The following KALRN variants were observed in gnomAD, a reference collection of about 807,000 sequenced individuals.
KALRN encodes the protein kalirin.
A neutral mutation model predicts 353.7 loss-of-function variants in KALRN; 70 were observed. The ratio of observed to expected loss-of-function variants is 0.20; its 90% CI spans 0.16 to 0.24. The LOEUF is 0.24. Among genes scored for constraint, KALRN ranks in the 10% least tolerant of loss-of-function variants. KALRN has a pLI of 1.00. For missense variants in KALRN, 2,791 were observed against 3,756.7 expected (o/e 0.74, Z 6.72); for synonymous variants, 1,391 against 1,434.8 (o/e 0.97, Z 0.69).
chr3:124,096,392 A>G (rs535668487), intron 1 of KALRN, among the ~76,000 whole-genome samples: 1 of 152,324 alleles, frequency 6.6e-6, no homozygotes, highest in East Asian at 1.9e-4. Context: ...TCCAACAAAC[A>G]TCCTGGGAAA....
intron 34 of KALRN, among the ~76,000 whole-genome samples, chr3:124,586,989 A>G (rs1561349792): frequency 6.6e-6 from 1 of 152,196 alleles, no homozygotes; most frequent in Non-Finnish European, 1.5e-5. Context: ...ATTTGAAAAC[A>G]GATTGAAAAG....
chr3:124,465,771 C>T (rs2060274275), intron 25 of KALRN, among the ~76,000 whole-genome samples: 1 of 152,086 alleles, frequency 6.6e-6, no homozygotes, highest in East Asian at 1.9e-4. Flanking sequence ...ATTTCTAGTG[C>T]ATAGCTCAGG....
chr3:124,691,257 C>T (rs961241036), intron 51 of KALRN, among the ~76,000 whole-genome samples: 2 of 152,058 alleles, frequency 1.3e-5, no homozygotes, highest in Admixed American at 6.6e-5. Flanking sequence ...GGCGAGACCC[C>T]GTCTCTACTA....
At chr3:124,345,477 C>T (rs1006499339) in intron 9 of KALRN, among the ~76,000 whole-genome samples, 4 of 152,114 alleles carry the variant, frequency 2.6e-5, no homozygotes, top group African/African-American at 4.8e-5. Flanking sequence ...AAGAGATGAA[C>T]ATGTAAAGTT....
At chr3:124,667,532 G>A (rs534981581) in intron 47 of KALRN, among the ~76,000 whole-genome samples, 3 of 152,196 alleles carry the variant, frequency 2.0e-5, no homozygotes, top group Non-Finnish European at 4.4e-5. Flanking sequence ...GAAATGATAT[G>A]TGTTTTTCCA....
intron 3 of KALRN, among the ~76,000 whole-genome samples, chr3:124,251,370 T>TTC (rs1553874706): frequency 8.0e-6 from 1 of 125,780 alleles, no homozygotes; most frequent in Non-Finnish European, 1.8e-5. Context: ...TTTTTTTTTT[T>TTC]CTTTTTTTCT....
intron 21 of KALRN, among the ~76,000 whole-genome samples, chr3:124,448,422 G>T (rs1163744332): frequency 6.6e-6 from 1 of 152,044 alleles, no homozygotes; most frequent in African/African-American, 2.4e-5. Context: ...CAACTCTACA[G>T]CTGTGCTACC....
At chr3:124,231,738 CA>C (rs1160530408) in intron 2 of KALRN, among the ~76,000 whole-genome samples, 24 of 151,910 alleles carry the variant, frequency 1.6e-4, no homozygotes, top group African/African-American at 5.8e-4. Context: ...TGGCATTTTC[CA>C]AACTAAAGAA....
intron 37 of KALRN, among the ~76,000 whole-genome samples, chr3:124,649,027 C>T (rs2083081495): frequency 6.6e-6 from 1 of 152,134 alleles, no homozygotes; most frequent in Non-Finnish European, 1.5e-5. Flanking sequence ...AAGAAATTCT[C>T]TCTTGAGTTT....
chr3:124,373,766 C>G (rs1030745950), intron 10 of KALRN, among the ~76,000 whole-genome samples: 1 of 152,162 alleles, frequency 6.6e-6, no homozygotes. Context: ...TCGGTATGAT[C>G]TCATCTTAAC....
At chr3:124,264,761 C>T in intron 4 of KALRN, 71 bp downstream of exon 4, 1 of 1,317,258 alleles carries the variant, frequency 7.6e-7, no homozygotes, top group East Asian at 2.3e-5. Flanking sequence ...TTCTCACGTC[C>T]TCTTCTCTAT....
intron 11 of KALRN, among the ~76,000 whole-genome samples, chr3:124,392,314 A>G (rs1369444388): frequency 6.6e-6 from 1 of 152,186 alleles, no homozygotes; most frequent in Non-Finnish European, 1.5e-5. Flanking sequence ...TGTAGCACTG[A>G]TAAGTATTGA....
chr3:124,227,919 G>A, intron 1 of KALRN, 71 bp from the exon 2 acceptor site: 1 of 1,219,858 alleles, frequency 8.2e-7, no homozygotes, highest in Non-Finnish European at 1.2e-6. Flanking sequence ...TTGGGAGACT[G>A]AGGATGGGAC....
At chr3:124,163,052 C>A (rs73186254) in intron 1 of KALRN, 9,107 of 152,272 alleles carry the variant, frequency 0.06, 311 homozygotes, top group Non-Finnish European at 0.088. Flanking sequence ...TAGCCATATT[C>A]ACAACACTTA....
chr3:124,573,016 G>A (rs879413225), intron 34 of KALRN, among the ~76,000 whole-genome samples: 4 of 151,642 alleles, frequency 2.6e-5, no homozygotes, highest in Admixed American at 6.6e-5. Context: ...CAGCCTGGGC[G>A]GCAGAGCGAG....
intron 27 of KALRN, among the ~76,000 whole-genome samples, chr3:124,479,792 C>G (rs2108166422): frequency 6.9e-6 from 1 of 145,104 alleles, no homozygotes; most frequent in Non-Finnish European, 1.5e-5. Flanking sequence ...GGCGCGATCT[C>G]GGCTCACTGC....
At chr3:124,170,310 T>C (rs2071554634) in intron 1 of KALRN, among the ~76,000 whole-genome samples, 1 of 152,222 alleles carries the variant, frequency 6.6e-6, no homozygotes, top group Admixed American at 6.5e-5. Context: ...ATCCACTGTG[T>C]GCCAGGTATA....
intron 57 of KALRN, among the ~76,000 whole-genome samples, chr3:124,708,653 G>A (rs1191602735): frequency 6.6e-6 from 1 of 151,980 alleles, no homozygotes; most frequent in Non-Finnish European, 1.5e-5. Flanking sequence ...CAAAAGGTCT[G>A]ACATTCATGT....
At chr3:124,603,385 C>T (rs539699251) in intron 34 of KALRN, among the ~76,000 whole-genome samples, 3 of 152,308 alleles carry the variant, frequency 2.0e-5, no homozygotes, top group African/African-American at 7.2e-5. Flanking sequence ...TTTTCTTGCT[C>T]CGTATGGCAA....
Sources: allele counts gnomAD v4.1 joint callset (sites outside exome capture counted in the v4.1 genomes callset), GRCh38; gene constraint gnomAD v4.1.1; transcripts MANE v1.5; gene names NCBI Gene and HGNC (gene_info 2026-07-23, HGNC 2026-07-21).